Variants in FREM1 observed in about 807,000 individuals in gnomAD.
FREM1 encodes the protein FRAS1 related extracellular matrix 1, also known as FRAS1-related extracellular matrix protein 1.
A neutral mutation model predicts 210.1 loss-of-function variants in FREM1; 220 were observed. That is an observed-to-expected ratio of 1.05 (90% CI 0.94 to 1.17). FREM1 has a LOEUF of 1.17. Ranked by LOEUF, FREM1 falls within the 50% of genes most tolerant of loss-of-function variation. FREM1 has a pLI of 0.00. For missense variants in FREM1, 3,454 were observed against 2,675.5 expected (o/e 1.29, Z -6.42); for synonymous variants, 1,189 against 980.2 (o/e 1.21, Z -3.98).
At chr9:14,884,160 C>T (rs376548044) in intron 1 of FREM1, among the ~76,000 whole-genome samples, 1 of 152,080 alleles carries the variant, frequency 6.6e-6, no homozygotes, top group Admixed American at 6.5e-5. Context: ...ACTTGGGAGG[C>T]GGAGGTTGCA....
intron 29 of FREM1, among the ~76,000 whole-genome samples, chr9:14,754,305 T>C (rs1466243183): frequency 6.6e-6 from 1 of 152,196 alleles, no homozygotes; most frequent in African/African-American, 2.4e-5. Flanking sequence ...TGTACCAGTG[T>C]GGGAGTAAAC....
In FREM1 at chr9:14,740,252, TGA is replaced by T; in HGVS notation, c.6255-20_6255-19del. 1 of 1,567,044 alleles carries T rather than the reference TGA, an allele frequency of 6.4e-7. No homozygotes were observed. The highest frequency in any genetic ancestry group is 8.8e-7 in the Non-Finnish European group (1 of 1,137,876). The stretch of plus-strand genomic sequence containing the variant: ...CCAGGTATCTAAATGCAAATGAAAA[TGA>T]GAGTATCAGCAACAAGCAGTTAACA... On this transcript the variant is annotated intron_variant, in intron 35 of 36. Coordinates refer to ENST00000380880, the MANE Select transcript of FREM1 (RefSeq NM_001379081.2).
chr9:14,892,137 C>T (rs540075588), intron 1 of FREM1, among the ~76,000 whole-genome samples: 1 of 152,232 alleles, frequency 6.6e-6, no homozygotes, highest in African/African-American at 2.4e-5. Context: ...ATTGGGACCC[C>T]TTTCCTGTAA....
At chr9:14,872,109 C>A (rs1323844406) in intron 1 of FREM1, among the ~76,000 whole-genome samples, 1 of 152,156 alleles carries the variant, frequency 6.6e-6, no homozygotes. Context: ...CGTGATGTCT[C>A]CAGCTTTGTT....
chr9:14,778,960 T>G (rs1849201354), intron 24 of FREM1, among the ~76,000 whole-genome samples: 2 of 152,192 alleles, frequency 1.3e-5, no homozygotes, highest in Non-Finnish European at 2.9e-5. Context: ...CTTAGTCACC[T>G]TCACAGTTTC....
At chr9:14,793,883 A>G (rs1434091935) in intron 21 of FREM1, among the ~76,000 whole-genome samples, 1 of 152,142 alleles carries the variant, frequency 6.6e-6, no homozygotes, top group Non-Finnish European at 1.5e-5. Flanking sequence ...CTTCCCTCGC[A>G]GTGGGTGGTG....
chr9:14,746,499 A>G (rs375880934), intron 34 of FREM1, 31 bp from the exon 35 acceptor site: 1 of 1,542,266 alleles, frequency 6.5e-7, no homozygotes, highest in Non-Finnish European at 9.0e-7. Flanking sequence ...TTCATATCAT[A>G]ATGGTCTTTA....
chr9:14,842,823 T>C (rs1398041864), intron 8 of FREM1, among the ~76,000 whole-genome samples, 163 bp from the exon 9 acceptor site: 3 of 152,156 alleles, frequency 2.0e-5, no homozygotes, highest in African/African-American at 4.8e-5. Context: ...GGAGAACATA[T>C]CTAGTTTTGA....
intron 1 of FREM1, among the ~76,000 whole-genome samples, chr9:14,898,460 A>G (rs1838157355): frequency 6.6e-6 from 1 of 152,174 alleles, no homozygotes; most frequent in African/African-American, 2.4e-5. Context: ...CATAGAATGC[A>G]GCCGGGTGTG....
intron 24 of FREM1, among the ~76,000 whole-genome samples, chr9:14,777,198 G>C (rs1350060353): frequency 6.6e-6 from 1 of 152,196 alleles, no homozygotes; most frequent in East Asian, 1.9e-4. Context: ...ACAGTCTTAG[G>C]TTTGTGATAT....
chr9:14,851,701 C>G (rs527393214), intron 5 of FREM1, 94 bp from the exon 6 acceptor site: 339 of 1,060,796 alleles, frequency 3.2e-4, no homozygotes, highest in Non-Finnish European at 4.5e-4. Flanking sequence ...ACAGCCACAG[C>G]CTAGCGTCTA....
At chr9:14,740,008 A>G (rs2131865471) in intron 36 of FREM1, 141 bp downstream of exon 36, 1 of 448,146 alleles carries the variant, frequency 2.2e-6, no homozygotes, top group South Asian at 7.6e-5. Flanking sequence ...GTTTTAAAAG[A>G]TAAATGGCTA....
At chr9:14,816,297 T>G (rs1021601412) in intron 15 of FREM1, among the ~76,000 whole-genome samples, 1 of 152,144 alleles carries the variant, frequency 6.6e-6, no homozygotes, top group African/African-American at 2.4e-5. Context: ...AACTTTGGTT[T>G]CTATTGGCAG....
chr9:14,812,455 T>C (rs949018670), intron 16 of FREM1, among the ~76,000 whole-genome samples: 5 of 152,124 alleles, frequency 3.3e-5, no homozygotes, highest in Non-Finnish European at 5.9e-5. Flanking sequence ...TGTAATTACC[T>C]TAGGAGCTTG....
intron 10 of FREM1, among the ~76,000 whole-genome samples, chr9:14,831,619 C>T (rs1823566885): frequency 6.6e-6 from 1 of 152,194 alleles, no homozygotes; most frequent in Non-Finnish European, 1.5e-5. Context: ...AACCATTTTT[C>T]TATGGGTAAA....
intron 1 of FREM1, among the ~76,000 whole-genome samples, chr9:14,891,415 C>T (rs1171966841): frequency 6.6e-6 from 1 of 152,156 alleles, no homozygotes; most frequent in Non-Finnish European, 1.5e-5. Flanking sequence ...GAAAGACAAA[C>T]ATAAACTAAT....
intron 1 of FREM1, among the ~76,000 whole-genome samples, chr9:14,908,021 A>G (rs961900315): frequency 6.6e-6 from 1 of 152,184 alleles, no homozygotes; most frequent in Admixed American, 6.5e-5. Context: ...CTTAAAAACT[A>G]TCACAGAGCC....
At chr9:14,766,312 T>C (rs962356263) in intron 27 of FREM1, among the ~76,000 whole-genome samples, 1 of 152,120 alleles carries the variant, frequency 6.6e-6, no homozygotes, top group Non-Finnish European at 1.5e-5. Context: ...CTATTTACAA[T>C]AAAGTGACTC....
intron 28 of FREM1, among the ~76,000 whole-genome samples, chr9:14,757,673 G>A (rs1344375510): frequency 6.6e-6 from 1 of 152,238 alleles, no homozygotes; most frequent in East Asian, 1.9e-4. Context: ...GGTCAGGAAT[G>A]TGGGATAATA....
Sources: allele counts gnomAD v4.1 joint callset (sites outside exome capture counted in the v4.1 genomes callset), GRCh38; gene constraint gnomAD v4.1.1; transcripts MANE v1.5; gene names NCBI Gene and HGNC (gene_info 2026-07-23, HGNC 2026-07-21).